The following TBC1D32 variants were observed in gnomAD, a reference collection of about 807,000 sequenced individuals.
TBC1D32 encodes protein broad-minded.
In TBC1D32, 151 loss-of-function variants were observed where a neutral mutation model predicts 170.3. That is an observed-to-expected ratio of 0.89 (90% CI 0.78 to 1.01). The LOEUF (loss-of-function observed/expected upper bound fraction) is 1.01, where lower values mean the gene tolerates loss of function less well. Ranked by LOEUF, TBC1D32 falls within the 50% of genes least tolerant of loss-of-function variation. The pLI is 0.00. For synonymous variants in TBC1D32, 498 were observed against 488.0 expected, an observed-to-expected ratio of 1.02 and a Z score of -0.27; for missense variants, 1,464 against 1,457.1, an observed-to-expected ratio of 1.00 and a Z score of -0.08.
At chr6:121,248,706 G>T (rs1015768861) in intron 17 of TBC1D32, among the ~76,000 whole-genome samples, 1 of 151,378 alleles carries the variant, frequency 6.6e-6, no homozygotes, top group Non-Finnish European at 1.5e-5. Context: ...AAATCTAGAG[G>T]AGATAAATAA....
chr6:121,220,972 A>T (rs1794448224), intron 21 of TBC1D32, among the ~76,000 whole-genome samples: 1 of 149,848 alleles, frequency 6.7e-6, no homozygotes, highest in African/African-American at 2.4e-5. Flanking sequence ...AAACAGCCTT[A>T]TATTGGAAGA....
chr6:121,149,883 G>A (rs1306644503), intron 24 of TBC1D32, among the ~76,000 whole-genome samples: 1 of 152,130 alleles, frequency 6.6e-6, no homozygotes, highest in Non-Finnish European at 1.5e-5. Flanking sequence ...TTATTCCTAT[G>A]CATGAGCATG....
chr6:121,086,234 A>C (rs2128171218), intron 31 of TBC1D32, among the ~76,000 whole-genome samples: 1 of 152,236 alleles, frequency 6.6e-6, no homozygotes, highest in East Asian at 1.9e-4. Flanking sequence ...ACCCTATGTG[A>C]TGAAGAAACA....
intron 22 of TBC1D32, among the ~76,000 whole-genome samples, chr6:121,186,810 G>A (rs910853478): frequency 6.6e-6 from 1 of 151,876 alleles, no homozygotes; most frequent in Non-Finnish European, 1.5e-5. Flanking sequence ...TAGGGAAGAG[G>A]GTAAGGCCAT....
intron 14 of TBC1D32, 65 bp downstream of exon 14, chr6:121,281,479 T>A: frequency 7.8e-7 from 1 of 1,274,680 alleles, no homozygotes; most frequent in Non-Finnish European, 1.1e-6. Context: ...AGAAATAAAG[T>A]CCCACTGAGT....
At chr6:121,159,894 G>A in intron 24 of TBC1D32, 116 bp downstream of exon 24, 1 of 633,588 alleles carries the variant, frequency 1.6e-6, no homozygotes, top group East Asian at 2.8e-5. Flanking sequence ...AGGCATAAAT[G>A]CACACATGTA....
chr6:121,325,211 C>CAA (rs1241989773), intron 1 of TBC1D32, among the ~76,000 whole-genome samples: 24 of 67,914 alleles, frequency 3.5e-4, no homozygotes, highest in African/African-American at 1.0e-3. Context: ...GACTCCATCT[C>CAA]AAAAAAAAAA....
At chr6:121,120,964 C>A (rs1780199835) in intron 26 of TBC1D32, among the ~76,000 whole-genome samples, 1 of 151,778 alleles carries the variant, frequency 6.6e-6, no homozygotes, top group African/African-American at 2.4e-5. Context: ...TCACATGTAT[C>A]TAATTATGTG....
At chr6:121,223,434 C>G in intron 20 of TBC1D32, 82 bp from the exon 21 acceptor site, 3 of 918,516 alleles carry the variant, frequency 3.3e-6, no homozygotes, top group Non-Finnish European at 1.7e-6. Context: ...AGTTTCCTAT[C>G]TGTATGACTT....
At chr6:121,301,687 A>T (rs953952226) in intron 9 of TBC1D32, among the ~76,000 whole-genome samples, 3 of 152,200 alleles carry the variant, frequency 2.0e-5, no homozygotes, top group African/African-American at 7.2e-5. Flanking sequence ...AAAGTATAGT[A>T]AAAAAATTTT....
intron 30 of TBC1D32, among the ~76,000 whole-genome samples, chr6:121,101,072 C>T (rs549219823): frequency 2.0e-4 from 31 of 151,994 alleles, no homozygotes; most frequent in African/African-American, 6.0e-4. Context: ...CAATAACGGG[C>T]TCTGAAATTG....
At chr6:121,234,305 G>A (rs1487947857) in intron 20 of TBC1D32, among the ~76,000 whole-genome samples, 1 of 152,048 alleles carries the variant, frequency 6.6e-6, no homozygotes, top group Non-Finnish European at 1.5e-5. Flanking sequence ...CCTCAAATAT[G>A]TTTTCCAAAC....
intron 15 of TBC1D32, among the ~76,000 whole-genome samples, chr6:121,273,746 T>C (rs1801829010): frequency 6.6e-6 from 1 of 152,112 alleles, no homozygotes; most frequent in South Asian, 2.1e-4. Context: ...ATAACCTTGA[T>C]GGAAGTATAA....
chr6:121,304,018 G>T (rs1215505240), intron 8 of TBC1D32, among the ~76,000 whole-genome samples: 1 of 150,716 alleles, frequency 6.6e-6, no homozygotes, highest in Non-Finnish European at 1.5e-5. Flanking sequence ...GAGCTGAAAG[G>T]AAAAAGTTTA....
At chr6:121,138,881 G>A (rs1782442681) in intron 24 of TBC1D32, among the ~76,000 whole-genome samples, 1 of 145,020 alleles carries the variant, frequency 6.9e-6, no homozygotes, top group South Asian at 2.2e-4. Flanking sequence ...GTCTCGCTCT[G>A]TCGCCCAGGC....
intron 21 of TBC1D32, among the ~76,000 whole-genome samples, chr6:121,222,496 C>T (rs1794637379): frequency 6.6e-6 from 1 of 151,476 alleles, no homozygotes; most frequent in African/African-American, 2.4e-5. Flanking sequence ...TAAAAGTTTC[C>T]CAAAGTAGAC....
chr6:121,160,116 CA>C lies in TBC1D32; in HGVS notation c.2680-14del. 2 of 1,518,252 alleles carry C rather than the reference CA, an allele frequency of 1.3e-6. No homozygotes were observed. Among genetic ancestry groups the C allele is most frequent in the Non-Finnish European group, 1.8e-6 (2 of 1,099,334 alleles). The allele number at this position is 1,518,252 out of a possible 1,614,324, so 94.0% of individuals were successfully genotyped here. On this transcript the variant is annotated splice_polypyrimidine_tract_variant and intron_variant, in intron 23 of 31. Transcript: ENST00000398212. Reference sequence around the variant, plus strand: ...ATGGATTATCACTCTAAAAAAGAAGCAAGACAGATGACTTTAGGAAGTGGTC... The same window carrying C: ...ATGGATTATCACTCTAAAAAAGAAGCAGACAGATGACTTTAGGAAGTGGTC...
chr6:121,212,971 G>A (rs1793282336), intron 21 of TBC1D32, among the ~76,000 whole-genome samples: 1 of 152,152 alleles, frequency 6.6e-6, no homozygotes, highest in African/African-American at 2.4e-5. Flanking sequence ...CTCAATAGAT[G>A]CAGAAAAGGC....
rs144705802 is a variant in TBC1D32 at position 121,082,064 on chromosome 6, G to C, written c.3655-1174C>G. 6.6e-5 allele frequency among the ~76,000 whole-genome samples: 10 copies of C among 152,140 alleles called. No homozygotes were observed. In the East Asian group the frequency reaches 1.9e-3, roughly 29 times the overall value. On this transcript the variant is annotated intron_variant, in intron 31 of 31. Coordinates refer to ENST00000398212, the MANE Select transcript of TBC1D32 (RefSeq NM_152730.6). ...TCTGAGCTCTAATCTCAAGATAATT[G>C]TGAAATTATTTCAATCCTTCTTTCA...
Sources: allele counts gnomAD v4.1 joint callset (sites outside exome capture counted in the v4.1 genomes callset), GRCh38; gene constraint gnomAD v4.1.1; transcripts MANE v1.5; gene names NCBI Gene and HGNC (gene_info 2026-07-23, HGNC 2026-07-21).